Variants in AFG2A observed in about 807,000 individuals in gnomAD.
The protein encoded by AFG2A is AAA ATPase AFG2A.
chr4:123,144,676 C>A, the AFG2A span, among the ~76,000 whole-genome samples: 1 of 152,178 alleles, frequency 6.6e-6, no homozygotes, highest in South Asian at 2.1e-4. Context: ...GCATTTCTCT[C>A]AATAAAGTTG....
At chr4:123,050,550 T>C in the AFG2A span, among the ~76,000 whole-genome samples, 7 of 152,190 alleles carry the variant, frequency 4.6e-5, no homozygotes, top group Non-Finnish European at 2.9e-5. Flanking sequence ...TAAATCATTA[T>C]ATAATGACTT....
At chr4:122,959,808 A>G in the AFG2A span, among the ~76,000 whole-genome samples, 1 of 152,138 alleles carries the variant, frequency 6.6e-6, no homozygotes, top group Non-Finnish European at 1.5e-5. Flanking sequence ...CAGTGTGCTT[A>G]CTCTCAACAT....
the AFG2A span, among the ~76,000 whole-genome samples, chr4:123,257,732 A>G: frequency 6.6e-6 from 1 of 152,324 alleles, no homozygotes; most frequent in African/African-American, 2.4e-5. Context: ...TGATATGGCA[A>G]TTTGCAGGAA....
the AFG2A span, among the ~76,000 whole-genome samples, chr4:123,028,917 A>G: frequency 6.6e-6 from 1 of 152,242 alleles, no homozygotes; most frequent in Non-Finnish European, 1.5e-5. Flanking sequence ...TGGGATAGAT[A>G]ATCTTTCATG....
chr4:123,176,291 C>G, the AFG2A span, among the ~76,000 whole-genome samples: 1 of 152,094 alleles, frequency 6.6e-6, no homozygotes. Context: ...TGTTGCTGTT[C>G]TGTGAAATTG....
the AFG2A span, among the ~76,000 whole-genome samples, chr4:123,276,790 G>T: frequency 6.6e-6 from 1 of 152,096 alleles, no homozygotes. Flanking sequence ...TCAGATAGTT[G>T]TAGGCATATG....
the AFG2A span, among the ~76,000 whole-genome samples, chr4:123,010,735 T>C: frequency 6.6e-6 from 1 of 152,222 alleles, no homozygotes; most frequent in African/African-American, 2.4e-5. Flanking sequence ...TCTAACCACG[T>C]AGGCTTGCTT....
the AFG2A span, among the ~76,000 whole-genome samples, chr4:122,949,335 C>T: frequency 2.6e-4 from 40 of 152,252 alleles, no homozygotes; most frequent in South Asian, 6.6e-3. Flanking sequence ...GGAAAATATG[C>T]CATCTCACGT....
At chr4:123,258,916 GAGTGC>G in the AFG2A span, among the ~76,000 whole-genome samples, 4 of 146,956 alleles carry the variant, frequency 2.7e-5, no homozygotes, top group Non-Finnish European at 5.9e-5. Context: ...TCCCAGGCTG[GAGTGC>G]AGTGGCACGA....
chr4:123,063,131 C>T, the AFG2A span, among the ~76,000 whole-genome samples: 1 of 152,070 alleles, frequency 6.6e-6, no homozygotes, highest in Non-Finnish European at 1.5e-5. Flanking sequence ...TTTGCTGTTA[C>T]TTGAAATCTA....
the AFG2A span, among the ~76,000 whole-genome samples, chr4:123,212,705 A>G: frequency 6.6e-6 from 1 of 152,170 alleles, no homozygotes; most frequent in Non-Finnish European, 1.5e-5. Flanking sequence ...TACAGGGATC[A>G]GGCAAAATTG....
At chr4:122,952,205 C>G in the AFG2A span, among the ~76,000 whole-genome samples, 5 of 152,140 alleles carry the variant, frequency 3.3e-5, no homozygotes, top group African/African-American at 4.8e-5. Context: ...GTAGCTGGGA[C>G]CAGAATCCTA....
chr4:123,307,526 A>G, the AFG2A span, among the ~76,000 whole-genome samples: 2 of 152,216 alleles, frequency 1.3e-5, no homozygotes, highest in Non-Finnish European at 1.5e-5. Context: ...ATAGAGAGAT[A>G]TGTTGACAGA....
At chr4:123,151,501 C>T in the AFG2A span, among the ~76,000 whole-genome samples, 12 of 152,118 alleles carry the variant, frequency 7.9e-5, no homozygotes, top group African/African-American at 2.4e-4. Context: ...CAAAGAAAGA[C>T]GTTTATGCAA....
At chr4:123,041,134 G>A in the AFG2A span, among the ~76,000 whole-genome samples, 31 of 150,892 alleles carry the variant, frequency 2.1e-4, no homozygotes, top group African/African-American at 6.8e-4. Flanking sequence ...TTTTTGAGAC[G>A]GAGTCTTGCT....
At chr4:122,943,790 T>C in the AFG2A span, among the ~76,000 whole-genome samples, 1,833 of 152,338 alleles carry the variant, frequency 0.012, 42 homozygotes, top group African/African-American at 0.041. Context: ...TTCTTTTCCA[T>C]GTTTAGTGTT....
chr4:123,317,457 A>G, the AFG2A span: 2 of 152,172 alleles, frequency 1.3e-5, no homozygotes, highest in Admixed American at 1.3e-4. Context: ...CTTGCTTACC[A>G]AGGGCTTGTA....
At chr4:123,217,919 A>G in the AFG2A span, among the ~76,000 whole-genome samples, 5 of 152,306 alleles carry the variant, frequency 3.3e-5, no homozygotes, top group South Asian at 2.1e-4. Flanking sequence ...TAGGTCATCA[A>G]TTCCCTGGGA....
the AFG2A span, among the ~76,000 whole-genome samples, chr4:123,000,789 G>C: frequency 4.3e-5 from 3 of 69,148 alleles, no homozygotes; most frequent in Non-Finnish European, 1.2e-4. Context: ...TCTCTGCCAG[G>C]CTTTGGTATC....
Sources: gnomAD v4.1 joint callset for allele counts (sites outside exome capture counted in the v4.1 genomes callset) on GRCh38, gnomAD v4.1.1 for gene constraint, MANE v1.5 for transcripts, NCBI Gene and HGNC (gene_info 2026-07-23, HGNC 2026-07-21) for gene names.